Variants in DLG1 observed in about 807,000 individuals in gnomAD.
DLG1 encodes disks large homolog 1.
DLG1 carries 42 observed loss-of-function variants against 123.4 expected under a neutral mutation model. The observed-to-expected ratio is 0.34, with a 90% CI of 0.27 to 0.44. The LOEUF (loss-of-function observed/expected upper bound fraction) is 0.44, where lower values mean the gene tolerates loss of function less well. Among genes scored for constraint, DLG1 ranks in the 20% least tolerant of loss-of-function variants. The pLI is 1.00. For missense variants in DLG1, 942 were observed against 1,082.6 expected (o/e 0.87, Z 1.82); for synonymous variants, 317 against 356.2 (o/e 0.89, Z 1.24).
rs770888717 is a variant in DLG1, at chr3:197,044,743, AAC to A, written c.2576-16_2576-15del. ...CCTGTACAATAGCTGTAATGATAGA[AAC>A]AAAATCAGAAATCTCCATTAATTGT... On this transcript the variant is annotated splice_polypyrimidine_tract_variant and intron_variant, in intron 24 of 24. Coordinates refer to ENST00000667157, the MANE Select transcript of DLG1 (RefSeq NM_001366207.1). The A allele has an allele frequency of 6.9e-7, 1 of 1,456,356 alleles. No individual in the cohort carries two copies. The highest frequency in any genetic ancestry group is 2.1e-5 in the Admixed American group (1 of 47,172). The allele number at this position is 1,456,356 out of a possible 1,614,324, so 90.2% of individuals were successfully genotyped here.
chr3:197,113,723 A>C (rs1282996615), intron 13 of DLG1, among the ~76,000 whole-genome samples: 2 of 152,198 alleles, frequency 1.3e-5, no homozygotes. Context: ...CGTAGCTTTT[A>C]AGATTAGATA....
At chr3:197,274,168 T>A (rs569146288) in intron 4 of DLG1, among the ~76,000 whole-genome samples, 1 of 152,106 alleles carries the variant, frequency 6.6e-6, no homozygotes, top group East Asian at 1.9e-4. Context: ...GCAGAAATAA[T>A]AAAACTGGAG....
At chr3:197,066,881 C>G (rs1739981908) in intron 19 of DLG1, 127 bp from the exon 20 acceptor site, 1 of 546,976 alleles carries the variant, frequency 1.8e-6, no homozygotes, top group Non-Finnish European at 3.2e-6. Flanking sequence ...GAAAGAGGTA[C>G]TTTATGGCAA....
chr3:197,206,037 C>T (rs1005328098), intron 4 of DLG1, among the ~76,000 whole-genome samples: 1 of 152,144 alleles, frequency 6.6e-6, no homozygotes, highest in African/African-American at 2.4e-5. Flanking sequence ...TATTAAAAAC[C>T]TTATTTCCAT....
chr3:197,286,353 G>T lies in DLG1; in HGVS notation c.152-3508C>A, dbSNP rs1034263094. On this transcript the variant is annotated intron_variant, in intron 3 of 24. Transcript: ENST00000667157. ...ACAATTTTTCCACAGAAAAGAGGGT[G>T]GGGGAGCTTCTGCAGTGAAACTGTT... Among the ~76,000 whole-genome samples the T allele has an allele frequency of 2.0e-5, 3 of 152,310 alleles. No individual in the cohort carries two copies. In the East Asian group the frequency reaches 5.8e-4, roughly 29 times the overall value.
At chr3:197,044,822 A>G (rs1227801338) in intron 24 of DLG1, 93 bp from the exon 25 acceptor site, 4 of 682,978 alleles carry the variant, frequency 5.9e-6, no homozygotes, top group South Asian at 5.9e-5. Flanking sequence ...AGTATCTTTG[A>G]AAAAGTTACT....
intron 4 of DLG1, among the ~76,000 whole-genome samples, chr3:197,275,196 A>AG (rs1356038670): frequency 6.6e-6 from 1 of 151,810 alleles, no homozygotes; most frequent in Admixed American, 6.6e-5. Context: ...AAAAAAAAAA[A>AG]AAAGAAAAAA....
chr3:197,048,092 C>T (rs576057464), intron 24 of DLG1, among the ~76,000 whole-genome samples: 3 of 152,262 alleles, frequency 2.0e-5, no homozygotes, highest in African/African-American at 2.4e-5. Context: ...GGACTGGAAT[C>T]GACATTTTTC....
chr3:197,190,457 T>C (rs1283344068), intron 5 of DLG1, among the ~76,000 whole-genome samples: 1 of 152,198 alleles, frequency 6.6e-6, no homozygotes, highest in Non-Finnish European at 1.5e-5. Context: ...AATACTTTTA[T>C]GTTTGATTGC....
chr3:197,182,243 C>T (rs569170477), intron 5 of DLG1, among the ~76,000 whole-genome samples: 183 of 152,084 alleles, frequency 1.2e-3, no homozygotes, highest in African/African-American at 3.2e-3. Context: ...TGCATCCTTT[C>T]GTGATATATG....
chr3:197,151,902 T>C (rs1794051925), intron 5 of DLG1, among the ~76,000 whole-genome samples: 1 of 152,182 alleles, frequency 6.6e-6, no homozygotes, highest in East Asian at 1.9e-4. Context: ...TTACCGATGC[T>C]TGGGTCAAAT....
At chr3:197,188,786 T>A (rs1025533573) in intron 5 of DLG1, among the ~76,000 whole-genome samples, 1 of 152,232 alleles carries the variant, frequency 6.6e-6, no homozygotes, top group Non-Finnish European at 1.5e-5. Context: ...AATAAATTGT[T>A]GAGCTTCTTA....
At chr3:197,048,481 G>A (rs1181643401) in intron 24 of DLG1, among the ~76,000 whole-genome samples, 3 of 151,938 alleles carry the variant, frequency 2.0e-5, no homozygotes, top group Admixed American at 6.6e-5. Context: ...AAACACACAC[G>A]CAAACCATAA....
chr3:197,124,361 G>A (rs1272027890), intron 11 of DLG1, among the ~76,000 whole-genome samples: 6 of 151,938 alleles, frequency 3.9e-5, no homozygotes, highest in African/African-American at 1.2e-4. Context: ...TGCAAACTCC[G>A]CCTCCTGGGT....
chr3:197,237,820 T>C (rs1056368903), intron 4 of DLG1, among the ~76,000 whole-genome samples: 16 of 152,316 alleles, frequency 1.1e-4, no homozygotes, highest in African/African-American at 3.8e-4. Context: ...GGAGCAGTAA[T>C]GAGGCATTCC....
chr3:197,118,857 A>G (rs1774729081), intron 12 of DLG1, among the ~76,000 whole-genome samples: 7 of 152,306 alleles, frequency 4.6e-5, no homozygotes. Flanking sequence ...CCCACCCACC[A>G]GCCAGGCAAA....
chr3:197,076,185 A>G (rs991447319), intron 18 of DLG1, among the ~76,000 whole-genome samples: 6 of 152,212 alleles, frequency 3.9e-5, no homozygotes, highest in African/African-American at 1.4e-4. Flanking sequence ...GTAAAATGTA[A>G]TGATTCCAGA....
At chr3:197,191,786 A>G (rs532389065) in intron 5 of DLG1, among the ~76,000 whole-genome samples, 1 of 152,338 alleles carries the variant, frequency 6.6e-6, no homozygotes, top group Non-Finnish European at 1.5e-5. Context: ...AGTTAAACAT[A>G]TATTAAAATT....
rs897472145 is a variant in DLG1 at position 197,297,546 on chromosome 3, G to A, written c.-31-311C>T. ...GCACAAGTATCCACACTCCCCACCT[G>A]CTACTGGGTACGGGCGGGTGAAGCG... On this transcript the variant is annotated intron_variant, in intron 1 of 24. Coordinates refer to ENST00000667157, the MANE Select transcript of DLG1 (RefSeq NM_001366207.1). 4.5e-6 allele frequency: 5 copies of A among 1,110,562 alleles called. No homozygotes were observed. In the Admixed American group the frequency reaches 1.4e-4, roughly 32 times the overall value. 68.8% of individuals were successfully genotyped at this position (1,110,562 alleles called of 1,614,324 possible).
Sources: allele counts gnomAD v4.1 joint callset (sites outside exome capture counted in the v4.1 genomes callset), GRCh38; gene constraint gnomAD v4.1.1; transcripts MANE v1.5; gene names NCBI Gene and HGNC (gene_info 2026-07-23, HGNC 2026-07-21).